GTF2F2: variants seen among roughly 807,000 people sequenced by gnomAD.
GTF2F2 encodes the protein general transcription factor IIF subunit 2, also known as ATP-dependent helicase GTF2F2.
A neutral mutation model predicts 42.2 loss-of-function variants in GTF2F2; 23 were observed. The observed-to-expected ratio is 0.55, with a 90% CI of 0.39 to 0.77. The LOEUF (loss-of-function observed/expected upper bound fraction) is 0.77, where lower values mean the gene tolerates loss of function less well. Among genes scored for constraint, GTF2F2 ranks in the 30% least tolerant of loss-of-function variants. The pLI, the probability that GTF2F2 is intolerant of heterozygous loss-of-function variation, is 0.00. For missense variants in GTF2F2, 261 were observed against 287.2 expected (o/e 0.91, Z 0.66); for synonymous variants, 105 against 100.8 (o/e 1.04, Z -0.25).
At chr13:45,148,907 T>C (rs534461144) in intron 2 of GTF2F2, among the ~76,000 whole-genome samples, 7 of 152,180 alleles carry the variant, frequency 4.6e-5, no homozygotes, top group Non-Finnish European at 2.9e-5. Flanking sequence ...TTAAAACTTA[T>C]TTTTTGCTCG....
At chr13:45,167,276 C>T (rs570064350) in intron 4 of GTF2F2, among the ~76,000 whole-genome samples, 34 of 150,540 alleles carry the variant, frequency 2.3e-4, no homozygotes, top group African/African-American at 7.8e-4. Flanking sequence ...GCTCTGTTGC[C>T]CAGGCTGGAG....
chr13:45,156,103 A>C (rs1165287860), intron 4 of GTF2F2, among the ~76,000 whole-genome samples: 1 of 151,952 alleles, frequency 6.6e-6, no homozygotes, highest in African/African-American at 2.4e-5. Context: ...TCTGGCTCTT[A>C]GATATTATTA....
rs555246512 is a variant in GTF2F2 at position 45,201,925 on chromosome 13, T to C, written c.305-5499T>C. 1.4e-4 allele frequency among the ~76,000 whole-genome samples: 21 copies of C among 152,258 alleles called. 1 individual carries two copies. Among genetic ancestry groups the C allele is most frequent in the African/African-American group, 4.6e-4 (19 of 41,550 alleles). ...TGGCAAGACCATGTCCTTCTAGTAA[T>C]TGGTGGTGTGAGCCCCTTAGTTGAA... is the stretch of plus-strand genomic sequence containing the variant. On this transcript the variant is annotated intron_variant, in intron 4 of 7. Coordinates refer to ENST00000340473, the MANE Select transcript of GTF2F2 (RefSeq NM_004128.3).
chr13:45,132,987 C>A (rs1458623162), intron 1 of GTF2F2, among the ~76,000 whole-genome samples: 1 of 151,788 alleles, frequency 6.6e-6, no homozygotes, highest in Non-Finnish European at 1.5e-5. Context: ...CTAGCGTGAT[C>A]GAGAGCTTTC....
intron 5 of GTF2F2, among the ~76,000 whole-genome samples, chr13:45,239,328 T>C (rs1875162081): frequency 6.6e-6 from 1 of 152,232 alleles, no homozygotes; most frequent in African/African-American, 2.4e-5. Context: ...TATTTATATT[T>C]TGGACTGTTT....
At chr13:45,245,666 AATATATATATATATATATAT>A (rs372488927) in intron 5 of GTF2F2, among the ~76,000 whole-genome samples, 4,418 of 110,856 alleles carry the variant, frequency 0.04, 236 homozygotes, top group African/African-American at 0.15. Context: ...CCATGGTGTG[AATATATATATATATATATAT>A]ATATATATAT....
intron 5 of GTF2F2, among the ~76,000 whole-genome samples, chr13:45,209,903 C>T (rs984572958): frequency 3.3e-5 from 5 of 152,158 alleles, no homozygotes; most frequent in African/African-American, 1.2e-4. Context: ...ACTCCTCTCA[C>T]ACCCCACATC....
In GTF2F2 at chr13:45,168,357, G is replaced by A. The variant is rs77168810; in HGVS notation, c.304+16526G>A. Among the ~76,000 whole-genome samples the A allele has an allele frequency of 9.0e-3, 1,377 of 152,356 alleles. 5 individuals are homozygous for A. Among genetic ancestry groups the A allele is most frequent in the Non-Finnish European group, 0.014 (973 of 68,036 alleles). Reference sequence around the variant, plus strand: ...GCCAACTACTCTGCCTGCCTGGAGGGCAGGCCAGAAATGCCAGGATTTTAA... The same window carrying A: ...GCCAACTACTCTGCCTGCCTGGAGGACAGGCCAGAAATGCCAGGATTTTAA... On this transcript the variant is annotated intron_variant, in intron 4 of 7. Transcript: ENST00000340473.
chr13:45,199,219 C>A lies in GTF2F2; in HGVS notation c.305-8205C>A, dbSNP rs180764406. ...ATTTTGCAGTGTTGAACTGCGTCTT[C>A]AAGGAAGCCCAGGAAAATTGCCTAC... On this transcript the variant is annotated intron_variant, in intron 4 of 7. Coordinates refer to ENST00000340473, the MANE Select transcript of GTF2F2 (RefSeq NM_004128.3). Among the ~76,000 whole-genome samples the A allele has an allele frequency of 3.3e-5, 5 of 152,308 alleles. No homozygotes were observed. In the East Asian group the frequency reaches 9.6e-4, roughly 29 times the overall value.
chr13:45,210,220 G>A (rs1297089597), intron 5 of GTF2F2, among the ~76,000 whole-genome samples: 1 of 152,040 alleles, frequency 6.6e-6, no homozygotes, highest in Non-Finnish European at 1.5e-5. Context: ...ATCATCCTAC[G>A]ACTGTCTACA....
chr13:45,174,799 C>G (rs1871792667), intron 4 of GTF2F2, among the ~76,000 whole-genome samples: 1 of 151,982 alleles, frequency 6.6e-6, no homozygotes, highest in Middle Eastern at 3.2e-3. Context: ...GGGCCTTATC[C>G]AAACAGGTTT....
rs953365854 is a variant in GTF2F2 at position 45,284,251 on chromosome 13, C to T, written c.*690C>T. 4 of 151,974 alleles carry T rather than the reference C, an allele frequency of 2.6e-5. No individual in the cohort carries two copies. Among genetic ancestry groups the T allele is most frequent in the African/African-American group, 4.8e-5 (2 of 41,364 alleles). The allele number at this position is 151,974 out of a possible 1,614,324, so 9.4% of individuals were successfully genotyped here. The stretch of plus-strand genomic sequence containing the variant: ...TCCAAAATTTGAAGATATGTCTCCC[C>T]CAGTCAGATTATAAGCTTCTCAAAA... On this transcript the variant is annotated 3_prime_UTR_variant, in exon 8 of 8. Coordinates refer to ENST00000340473, the MANE Select transcript of GTF2F2 (RefSeq NM_004128.3).
chr13:45,141,295 A>G (rs534676385), intron 2 of GTF2F2, among the ~76,000 whole-genome samples: 4 of 152,214 alleles, frequency 2.6e-5, no homozygotes, highest in South Asian at 4.1e-4. Context: ...AATAATGGGC[A>G]TGCTGCAATT....
chr13:45,197,006 CT>C (rs1872927643), intron 4 of GTF2F2, among the ~76,000 whole-genome samples: 1 of 151,958 alleles, frequency 6.6e-6, no homozygotes, highest in Non-Finnish European at 1.5e-5. Context: ...ACCATTCCAT[CT>C]TGTGCCTCTT....
chr13:45,271,069 G>A (rs1876769199), intron 7 of GTF2F2, among the ~76,000 whole-genome samples: 1 of 152,064 alleles, frequency 6.6e-6, no homozygotes, highest in Admixed American at 6.5e-5. Context: ...GAGGCGGGCA[G>A]ATCACGAGGT....
At chr13:45,256,779 A>G (rs1380443269) in intron 6 of GTF2F2, among the ~76,000 whole-genome samples, 1 of 152,146 alleles carries the variant, frequency 6.6e-6, no homozygotes, top group Admixed American at 6.5e-5. Context: ...TAGAGGAAGC[A>G]TAATAAAGAC....
At chr13:45,189,964 A>G (rs1471577073) in intron 4 of GTF2F2, among the ~76,000 whole-genome samples, 2 of 152,244 alleles carry the variant, frequency 1.3e-5, no homozygotes, top group African/African-American at 4.8e-5. Context: ...CTTCATGACC[A>G]AAACACCAAA....
chr13:45,273,051 G>A (rs1463602969), intron 7 of GTF2F2, among the ~76,000 whole-genome samples: 1 of 147,594 alleles, frequency 6.8e-6, no homozygotes, highest in East Asian at 2.1e-4. Flanking sequence ...TCAGCCTCCC[G>A]AGTAGCTGGA....
intron 4 of GTF2F2, among the ~76,000 whole-genome samples, chr13:45,205,914 ATTG>A (rs1296392907): frequency 6.6e-6 from 1 of 152,108 alleles, no homozygotes; most frequent in Non-Finnish European, 1.5e-5. Context: ...AAATCTTGCT[ATTG>A]TTGTGACGAC....
Sources: allele counts gnomAD v4.1 joint callset (sites outside exome capture counted in the v4.1 genomes callset), GRCh38; gene constraint gnomAD v4.1.1; transcripts MANE v1.5; gene names NCBI Gene and HGNC (gene_info 2026-07-23, HGNC 2026-07-21).